Variants in ZNF860 observed in about 807,000 individuals in gnomAD.
The protein encoded by ZNF860 is zinc finger protein 860.
For synonymous variants in ZNF860, 206 were observed against 248.9 expected (o/e 0.83, Z 1.62); for missense variants, 641 against 759.2 (o/e 0.84, Z 1.83).
chr3:31,995,803 G>A (rs57177043), downstream of ZNF860, among the ~76,000 whole-genome samples: 1,412 of 152,272 alleles, frequency 9.3e-3, 25 homozygotes, highest in African/African-American at 0.032. Context: ...GACTTCCCGT[G>A]ACACCCCAGG....
At chr3:31,986,993 C>CAAGA (rs1280645117) in intron 1 of ZNF860, among the ~76,000 whole-genome samples, 2 of 152,028 alleles carry the variant, frequency 1.3e-5, no homozygotes, top group Admixed American at 1.3e-4. Flanking sequence ...AGTGACAGAG[C>CAAGA]AAGACCCTAT....
the ZNF860 span, among the ~76,000 whole-genome samples, chr3:31,999,386 G>T: frequency 8.1e-6 from 1 of 123,090 alleles, no homozygotes; most frequent in African/African-American, 3.4e-5. Context: ...TTTGAGACAA[G>T]GTCTCACTCT....
chr3:31,994,340 C>T (rs990573351), downstream of ZNF860, among the ~76,000 whole-genome samples: 5 of 152,130 alleles, frequency 3.3e-5, no homozygotes, highest in African/African-American at 1.2e-4. Context: ...CTCCAGGCCT[C>T]ATAGAAACTC....
chr3:31,990,674 A>C lies in ZNF860; in HGVS notation c.1595A>C (p.His532Pro). 2 of 1,614,214 alleles carry C rather than the reference A, an allele frequency of 1.2e-6. No individual in the cohort carries two copies. The highest frequency in any genetic ancestry group is 1.7e-6 in the Non-Finnish European group (2 of 1,180,018). The stretch of plus-strand genomic sequence containing the variant: ...ACCCTTGCACGTCATCATAGACTTC[A>C]TACTGGAGAGAAACCTTACAAATGT... ...QATLARHHRL[H>P]TGEKPYKCEE... Residue 532 changes from histidine to proline, a missense_variant, in exon 2 of 2, where the codon CAT becomes CCT. Transcript: ENST00000360311.
chr3:31,985,537 G>A (rs1039523872), intron 1 of ZNF860, among the ~76,000 whole-genome samples: 8 of 152,172 alleles, frequency 5.3e-5, no homozygotes, highest in Admixed American at 5.2e-4. Flanking sequence ...GGGCTGGTCT[G>A]GAGTTTCTAG....
At position 31,986,653 on chromosome 3, in the gene ZNF860, C is replaced by A. The variant is rs569407941; in HGVS notation, c.-420-2007C>A. On this transcript the variant is annotated intron_variant, in intron 1 of 1. Transcript: ENST00000360311. ...ATATACAAATAAAATAGGCGCCTGG[C>A]CTATTTATTATTATTTTATTAAATA... 6.6e-4 allele frequency among the ~76,000 whole-genome samples: 100 copies of A among 151,994 alleles called. 1 individual carries two copies. Among genetic ancestry groups the A allele is most frequent in the South Asian group, 2.3e-3 (11 of 4,804 alleles).
downstream of ZNF860, among the ~76,000 whole-genome samples, chr3:31,993,671 T>TACAC (rs1286675523): frequency 5.5e-5 from 7 of 126,720 alleles, no homozygotes; most frequent in African/African-American, 3.0e-4. Context: ...TTAACATGAC[T>TACAC]ACACACACAT....
downstream of ZNF860, among the ~76,000 whole-genome samples, chr3:31,996,684 A>T (rs139797168): frequency 9.2e-5 from 14 of 152,332 alleles, no homozygotes; most frequent in Admixed American, 9.2e-4. Flanking sequence ...TTTTGGATCA[A>T]ACCTAATATT....
downstream of ZNF860, among the ~76,000 whole-genome samples, chr3:31,995,805 C>T (rs62244403): frequency 0.041 from 6,301 of 152,268 alleles, 179 homozygotes; most frequent in East Asian, 0.069. Flanking sequence ...CTTCCCGTGA[C>T]ACCCCAGGTT....
At chr3:31,992,039 G>C (rs575364865), downstream of ZNF860, among the ~76,000 whole-genome samples, 99 of 151,906 alleles carry the variant, frequency 6.5e-4, no homozygotes, top group African/African-American at 2.3e-3. Flanking sequence ...CCAGCTACTG[G>C]GGAGGCTGAG....
At chr3:31,993,719 C>T (rs1699060471), downstream of ZNF860, among the ~76,000 whole-genome samples, 1 of 151,222 alleles carries the variant, frequency 6.6e-6, no homozygotes, top group Non-Finnish European at 1.5e-5. Context: ...ACTGAGGATA[C>T]CAAGTGCTGG....
At chr3:32,001,465 G>A in the ZNF860 span, among the ~76,000 whole-genome samples, 1 of 151,952 alleles carries the variant, frequency 6.6e-6, no homozygotes, top group African/African-American at 2.4e-5. Context: ...AATTTCAAAA[G>A]GTAAAATCCT....
chr3:32,000,997 A>G, the ZNF860 span, among the ~76,000 whole-genome samples: 1 of 152,188 alleles, frequency 6.6e-6, no homozygotes, highest in Non-Finnish European at 1.5e-5. Flanking sequence ...AGCTGTTAGC[A>G]GCCATGTTCC....
chr3:31,995,463 GCCCA>G (rs1699081844), downstream of ZNF860, among the ~76,000 whole-genome samples: 2 of 152,006 alleles, frequency 1.3e-5, no homozygotes, highest in Non-Finnish European at 2.9e-5. Flanking sequence ...GGCTCTTTTT[GCCCA>G]ACCCTGCAGG....
Position 31,991,277 on chromosome 3 carries a change from T to C in ZNF860, c.*299T>C. 1 of 311,826 alleles carries C rather than the reference T, an allele frequency of 3.2e-6. No homozygotes were observed. Among genetic ancestry groups the C allele is most frequent in the East Asian group, 6.4e-5 (1 of 15,702 alleles). The allele number at this position is 311,826 out of a possible 1,614,324, so 19.3% of individuals were successfully genotyped here. ...CCTGGCCAAAAGACGTGAGCCACTT[T>C]TCCTAGCCTGTTTTTTGTTTCTGAT... On this transcript the variant is annotated 3_prime_UTR_variant, in exon 2 of 2. Transcript: ENST00000360311.
the ZNF860 span, among the ~76,000 whole-genome samples, chr3:32,006,096 C>A: frequency 2.0e-5 from 3 of 152,024 alleles, no homozygotes. Context: ...AGATGAGCAC[C>A]ACCATGCCCA....
chr3:32,000,771 C>T, the ZNF860 span, among the ~76,000 whole-genome samples: 1 of 152,156 alleles, frequency 6.6e-6, no homozygotes, highest in Non-Finnish European at 1.5e-5. Context: ...CTTCTCTGCT[C>T]AGCACTCTCC....
At chr3:31,995,272 G>A (rs375415567), downstream of ZNF860, among the ~76,000 whole-genome samples, 84 of 152,248 alleles carry the variant, frequency 5.5e-4, no homozygotes, top group Admixed American at 4.1e-3. Context: ...AGACCAGGGC[G>A]TATCTCAGTC....
Position 31,990,405 on chromosome 3 carries a change from A to C in ZNF860, c.1326A>C (p.Val442=). The change falls in exon 2 of 2, where the codon GTA becomes GTC. Residue 442 remains valine (V), a synonymous_variant. Coordinates refer to ENST00000360311, the MANE Select transcript of ZNF860 (RefSeq NM_001137674.3). ...GKFFRRRSYL[V]VHWRTHTGEK... ...TTTTTAGACGTCGTTCATATCTCGT[A>C]GTTCATTGGCGAACTCATACTGGAG... is the stretch of plus-strand genomic sequence containing the variant. 1.2e-6 allele frequency: 2 copies of C among 1,614,094 alleles called. No homozygotes were observed. Among genetic ancestry groups the C allele is most frequent in the South Asian group, 2.2e-5 (2 of 91,072 alleles).
Sources: allele counts gnomAD v4.1 joint callset (sites outside exome capture counted in the v4.1 genomes callset), GRCh38; gene constraint gnomAD v4.1.1; transcripts MANE v1.5; gene names NCBI Gene and HGNC (gene_info 2026-07-23, HGNC 2026-07-21).